Variants in FMN1 observed in about 807,000 individuals in gnomAD.
FMN1 encodes formin-1.
A neutral mutation model predicts 132.4 loss-of-function variants in FMN1; 110 were observed. That is an observed-to-expected ratio of 0.83 (90% CI 0.71 to 0.97). The LOEUF is 0.97. Ranked by LOEUF, FMN1 falls within the 50% of genes least tolerant of loss-of-function variation. FMN1 has a pLI of 0.00. For synonymous variants in FMN1, 722 were observed against 651.7 expected (o/e 1.11, Z -1.64); for missense variants, 1,792 against 1,705.3 (o/e 1.05, Z -0.90).
intron 3 of FMN1, among the ~76,000 whole-genome samples, chr15:33,157,172 C>T (rs986436711): frequency 2.0e-5 from 3 of 150,276 alleles, no homozygotes; most frequent in African/African-American, 4.9e-5. Context: ...GGCCGAGGCA[C>T]GAGAATCCCT....
At chr15:32,965,490 A>G (rs1241896775) in intron 8 of FMN1, among the ~76,000 whole-genome samples, 1 of 152,216 alleles carries the variant, frequency 6.6e-6, no homozygotes, top group African/African-American at 2.4e-5. Context: ...GTTACAATCC[A>G]TAACATCTAA....
At chr15:32,798,221 G>C (rs924895080) in intron 19 of FMN1, among the ~76,000 whole-genome samples, 2 of 135,268 alleles carry the variant, frequency 1.5e-5, no homozygotes, top group African/African-American at 6.3e-5. Context: ...CACACACCCC[G>C]TCTATATTCA....
intron 6 of FMN1, among the ~76,000 whole-genome samples, chr15:33,041,899 T>C (rs1019973008): frequency 6.8e-6 from 1 of 146,904 alleles, no homozygotes; most frequent in African/African-American, 2.6e-5. Context: ...ATGGGAAAGA[T>C]AGTAAATTTC....
At position 33,173,815 on chromosome 15, in the gene FMN1, A is replaced by G. The variant is rs531781902; in HGVS notation, c.-132+6383T>C. On this transcript the variant is annotated intron_variant, in intron 3 of 20. Coordinates refer to ENST00000616417, the MANE Select transcript of FMN1 (RefSeq NM_001277313.2). The stretch of plus-strand genomic sequence containing the variant: ...GTGGTGGCAGGTGCCTGTTATCCCA[A>G]CTACTTGGGAGGCTGAGGCAGGAGA... 6.8e-4 allele frequency among the ~76,000 whole-genome samples: 104 copies of G among 152,134 alleles called. No individual in the cohort carries two copies. The East Asian group carries it at 0.016, about 24-fold the overall frequency.
chr15:33,079,698 G>A (rs2038372294), intron 5 of FMN1, among the ~76,000 whole-genome samples: 2 of 152,244 alleles, frequency 1.3e-5, no homozygotes, highest in Admixed American at 6.5e-5. Flanking sequence ...ACTGCTTTAA[G>A]AATTTGTGAT....
intron 7 of FMN1, among the ~76,000 whole-genome samples, chr15:32,997,460 T>C (rs1035512491): frequency 6.6e-6 from 1 of 152,046 alleles, no homozygotes; most frequent in African/African-American, 2.4e-5. Context: ...ACATATCAAA[T>C]TTAGAAACCA....
intron 6 of FMN1, among the ~76,000 whole-genome samples, chr15:33,031,282 A>C (rs1478408964): frequency 1.3e-5 from 2 of 152,168 alleles, no homozygotes; most frequent in East Asian, 3.9e-4. Flanking sequence ...ATCATGATAC[A>C]CAAGCCTAAG....
intron 17 of FMN1, among the ~76,000 whole-genome samples, chr15:32,828,492 T>C (rs558382897): frequency 4.6e-5 from 7 of 150,962 alleles, no homozygotes; most frequent in Non-Finnish European, 7.4e-5. Flanking sequence ...TGTAATTCTT[T>C]ATCATTTAGC....
intron 7 of FMN1, among the ~76,000 whole-genome samples, chr15:32,969,743 A>G (rs1401420468): frequency 6.6e-6 from 1 of 152,202 alleles, no homozygotes; most frequent in Non-Finnish European, 1.5e-5. Context: ...CTTAAAGTAC[A>G]TCTATTACTT....
chr15:33,128,481 G>C lies in FMN1; in HGVS notation c.1867+24567C>G, dbSNP rs911893990. On this transcript the variant is annotated intron_variant, in intron 4 of 20. Transcript: ENST00000616417. ...ACATTGCAAGGTCCATTTATAAAAA[G>C]CCTCATGCAAGTTCTCAGAGTCATT... Among the ~76,000 whole-genome samples the C allele has an allele frequency of 2.6e-5, 4 of 152,158 alleles. No individual in the cohort carries two copies. In the East Asian group the frequency reaches 7.7e-4, roughly 29 times the overall value.
At chr15:33,119,478 G>A (rs766293239) in intron 4 of FMN1, among the ~76,000 whole-genome samples, 3 of 152,212 alleles carry the variant, frequency 2.0e-5, no homozygotes, top group South Asian at 2.1e-4. Context: ...CACCCAGGAG[G>A]AGACTCTGCC....
intron 5 of FMN1, among the ~76,000 whole-genome samples, chr15:33,085,124 T>C (rs557505100): frequency 6.6e-6 from 1 of 152,352 alleles, no homozygotes; most frequent in African/African-American, 2.4e-5. Flanking sequence ...TTTTGATTTC[T>C]GTAAGCTATT....
chr15:32,935,410 T>C (rs982332548), intron 9 of FMN1, among the ~76,000 whole-genome samples: 2 of 152,188 alleles, frequency 1.3e-5, no homozygotes, highest in African/African-American at 4.8e-5. Flanking sequence ...TCTTTAACTT[T>C]TGACAGTTTG....
At chr15:32,982,480 C>T (rs776321759) in intron 7 of FMN1, among the ~76,000 whole-genome samples, 23 of 152,188 alleles carry the variant, frequency 1.5e-4, no homozygotes, top group Non-Finnish European at 3.2e-4. Context: ...TTTTTGGTAG[C>T]TTTATCAATA....
chr15:32,841,169 G>C (rs894978985), intron 17 of FMN1, among the ~76,000 whole-genome samples: 2 of 152,162 alleles, frequency 1.3e-5, no homozygotes, highest in African/African-American at 4.8e-5. Context: ...AACAATACAG[G>C]CTACTTTTCT....
intron 20 of FMN1, among the ~76,000 whole-genome samples, chr15:32,775,829 A>G (rs1301463848): frequency 7.2e-5 from 11 of 152,210 alleles, no homozygotes; most frequent in African/African-American, 2.7e-4. Flanking sequence ...AGCATCCAGC[A>G]AAAAGGTACT....
intron 4 of FMN1, among the ~76,000 whole-genome samples, chr15:33,119,512 G>A (rs546831207): frequency 6.6e-6 from 1 of 152,288 alleles, no homozygotes; most frequent in East Asian, 1.9e-4. Context: ...TCCACCGTCC[G>A]TACGCTCAGT....
At chr15:32,855,547 C>T (rs568126576) in intron 17 of FMN1, among the ~76,000 whole-genome samples, 1 of 152,242 alleles carries the variant, frequency 6.6e-6, no homozygotes, top group East Asian at 1.9e-4. Flanking sequence ...TATGTCTTTT[C>T]AACAAAAAGA....
At chr15:32,888,419 C>T in intron 15 of FMN1, 127 bp from the exon 16 acceptor site, 3 of 750,094 alleles carry the variant, frequency 4.0e-6, no homozygotes, top group Non-Finnish European at 6.1e-6. Context: ...CATAGCAATG[C>T]TCCTCTGCTA....
Sources: allele counts gnomAD v4.1 joint callset (sites outside exome capture counted in the v4.1 genomes callset), GRCh38; gene constraint gnomAD v4.1.1; transcripts MANE v1.5; gene names NCBI Gene and HGNC (gene_info 2026-07-23, HGNC 2026-07-21).